The following PDE4A variants were observed in gnomAD, a reference collection of about 807,000 sequenced individuals.
The protein encoded by PDE4A is phosphodiesterase 4A.
Under a neutral mutation model 73.9 loss-of-function variants are expected in PDE4A, and 21 were observed. The ratio of observed to expected loss-of-function variants is 0.28; its 90% CI spans 0.20 to 0.41. The LOEUF is 0.41. Among genes scored for constraint, PDE4A ranks in the 10% least tolerant of loss-of-function variants. The pLI is 1.00. For missense variants in PDE4A, 958 were observed against 1,211.4 expected, an observed-to-expected ratio of 0.79 and a Z score of 3.10; for synonymous variants, 463 against 505.4, an observed-to-expected ratio of 0.92 and a Z score of 1.13.
At chr19:10,419,054 G>GTT, upstream of PDE4A, 2 of 586,496 alleles carry the variant, frequency 3.4e-6, no homozygotes, top group Non-Finnish European at 4.1e-6. Flanking sequence ...AAGACCGGCA[G>GTT]TCTTTTTTTT....
At chr19:10,429,960 G>A (rs1285061434) in intron 1 of PDE4A, among the ~76,000 whole-genome samples, 1 of 152,052 alleles carries the variant, frequency 6.6e-6, no homozygotes, top group Admixed American at 6.6e-5. Context: ...CTGTGGAGGT[G>A]TTCCTGGGGT....
rs1451055175 is a variant in PDE4A, at chr19:10,453,307, G to C, written c.784-1522G>C. On this transcript the variant is annotated intron_variant, in intron 6 of 14. Coordinates refer to ENST00000380702, the MANE Select transcript of PDE4A (RefSeq NM_001111307.2). The surrounding 1 kb of genome is among the most constrained non-coding windows in gnomAD (Gnocchi z 4.6). ...TTCTGCGAGACCTGCTCTAAGCCTT[G>C]GCTGGTGGGCTGGTGGGACCAGGTA... The C allele has an allele frequency of 6.2e-7, 1 of 1,613,312 alleles. No homozygotes were observed. The highest frequency in any genetic ancestry group is 1.3e-5 in the African/African-American group (1 of 74,924).
In PDE4A at chr19:10,453,035, CG is replaced by C. The variant is rs1373826711; in HGVS notation, c.784-1787del. On this transcript the variant is annotated intron_variant, in intron 6 of 14. Transcript: ENST00000380702. The surrounding 1 kb of genome is among the most constrained non-coding windows in gnomAD (Gnocchi z 4.6). The stretch of plus-strand genomic sequence containing the variant: ...CCCCCACCGCCTCCACCCACTGCCG[CG>C]GGGGGGCCCGTTGGGGCCCAGGGCT... 18 of 1,336,150 alleles carry C rather than the reference CG, an allele frequency of 1.3e-5. No individual in the cohort carries two copies. Among genetic ancestry groups the C allele is most frequent in the East Asian group, 6.2e-5 (2 of 32,226 alleles). The allele number at this position is 1,336,150 out of a possible 1,614,324, so 82.8% of individuals were successfully genotyped here.
At position 10,458,500 on chromosome 19, in the gene PDE4A, G is replaced by A. The variant is rs1192093625; in HGVS notation, c.1101+398G>A. Among the ~76,000 whole-genome samples the A allele has an allele frequency of 3.9e-5, 6 of 152,314 alleles. No individual in the cohort carries two copies. Among genetic ancestry groups the A allele is most frequent in the Admixed American group, 2.0e-4 (3 of 15,298 alleles). On this transcript the variant is annotated intron_variant, in intron 8 of 14. Coordinates refer to ENST00000380702, the MANE Select transcript of PDE4A (RefSeq NM_001111307.2). The surrounding 1 kb of genome is among the most constrained non-coding windows in gnomAD (Gnocchi z 4.6). The stretch of plus-strand genomic sequence containing the variant: ...ACTCCTAGCTCTTCCAGGGGACAGC[G>A]GCAGTGGAAGTGATCCATCTTTGGT...
intron 1 of PDE4A, among the ~76,000 whole-genome samples, chr19:10,434,763 TA>T (rs2042842004): frequency 6.6e-6 from 1 of 151,738 alleles, no homozygotes; most frequent in Admixed American, 6.6e-5. Flanking sequence ...GGCTAATTTT[TA>T]TATTTTTAGT....
chr19:10,439,021 T>C (rs1005508004), intron 1 of PDE4A, among the ~76,000 whole-genome samples: 1 of 152,214 alleles, frequency 6.6e-6, no homozygotes, highest in African/African-American at 2.4e-5. Context: ...CGTCAGTCAC[T>C]TCTACCTTTT....
Position 10,453,535 on chromosome 19 carries a change from T to A in PDE4A, c.784-1294T>A, listed in dbSNP as rs1053541525. On this transcript the variant is annotated intron_variant, in intron 6 of 14. Coordinates refer to ENST00000380702, the MANE Select transcript of PDE4A (RefSeq NM_001111307.2). The surrounding 1 kb of genome is among the most constrained non-coding windows in gnomAD (Gnocchi z 4.6). ...GGTGGACTGCGGGTCCCTCACTGGG[T>A]GTGACTGTGTCAGTGCCTGGATGTG... Among the ~76,000 whole-genome samples, 2 of 151,648 alleles carry A rather than the reference T, an allele frequency of 1.3e-5. No individual in the cohort carries two copies. Among genetic ancestry groups the A allele is most frequent in the African/African-American group, 4.8e-5 (2 of 41,258 alleles).
rs749126870 is a variant in PDE4A, at chr19:10,465,683, C to CTTTTTTTTTTTTT, written c.1927-1182_1927-1170dup. On this transcript the variant is annotated intron_variant, in intron 14 of 14. Transcript: ENST00000380702. Reference sequence around the variant, plus strand: ...TCATAGCAATAGTTTGTGGCTTTAGCTTTTTTTTTTTTTTTTTTTTTTTTT... The same window carrying CTTTTTTTTTTTTT: ...TCATAGCAATAGTTTGTGGCTTTAGCTTTTTTTTTTTTTTTTTTTTTTTTTTTTTTTTTTTTTT... Among the ~76,000 whole-genome samples the CTTTTTTTTTTTTT allele has an allele frequency of 8.9e-4, 43 of 48,386 alleles. 7 individuals are homozygous for CTTTTTTTTTTTTT. The highest frequency in any genetic ancestry group is 1.2e-3 in the Non-Finnish European group (32 of 27,276). 31.7% of individuals were successfully genotyped at this position (48,386 alleles called of 152,430 possible). A position where few individuals can be genotyped will look rare whatever the true frequency, so the allele number is the denominator to read the frequency against.
chr19:10,431,459 G>A (rs903954545), intron 1 of PDE4A, among the ~76,000 whole-genome samples: 2 of 152,212 alleles, frequency 1.3e-5, no homozygotes, highest in Non-Finnish European at 2.9e-5. Context: ...GCCTTGCGGT[G>A]AGGCTTGGTG....
intron 1 of PDE4A, among the ~76,000 whole-genome samples, chr19:10,441,239 T>G (rs1224147053): frequency 6.6e-6 from 1 of 152,104 alleles, no homozygotes; most frequent in Non-Finnish European, 1.5e-5. Flanking sequence ...TTTGTTTCTT[T>G]GTTTCTTTGT....
intron 1 of PDE4A, among the ~76,000 whole-genome samples, chr19:10,432,144 C>G (rs1372636154): frequency 7.8e-6 from 1 of 128,560 alleles, no homozygotes; most frequent in Non-Finnish European, 1.6e-5. Context: ...ACCGGAGCCC[C>G]GGGGCACCCC....
In PDE4A at chr19:10,449,409, G is replaced by C. The variant is rs2075723; in HGVS notation, c.620+259G>C. Among the ~76,000 whole-genome samples the C allele has an allele frequency of 2.8e-4, 43 of 152,226 alleles. No individual in the cohort carries two copies. In the East Asian group the frequency reaches 8.3e-3, roughly 29 times the overall value. On this transcript the variant is annotated intron_variant, in intron 4 of 14. Coordinates refer to ENST00000380702, the MANE Select transcript of PDE4A (RefSeq NM_001111307.2). ...AAGTCTCACTCTGTCACACAGGCTGGAGTGCAGTAGTGCGATCTTGGCTCA... is the reference window on the plus strand; with the variant it reads ...AAGTCTCACTCTGTCACACAGGCTGCAGTGCAGTAGTGCGATCTTGGCTCA...
upstream of PDE4A, among the ~76,000 whole-genome samples, chr19:10,419,293 G>C (rs1303633725): frequency 1.3e-5 from 2 of 149,614 alleles, no homozygotes; most frequent in Admixed American, 6.6e-5. Flanking sequence ...TCCTTGGGGG[G>C]GTTGAGGGGG....
At chr19:10,461,125 C>T in intron 11 of PDE4A, 22 bp downstream of exon 11, 1 of 1,600,788 alleles carries the variant, frequency 6.2e-7, no homozygotes, top group South Asian at 1.1e-5. Flanking sequence ...TCGCCAGGGG[C>T]GGGGTTTGCT....
At chr19:10,427,267 T>A (rs1352994785) in intron 1 of PDE4A, among the ~76,000 whole-genome samples, 1 of 152,178 alleles carries the variant, frequency 6.6e-6, no homozygotes, top group African/African-American at 2.4e-5. Context: ...GCCAGTGCAC[T>A]TCAGCCTGGG....
At chr19:10,433,160 G>C (rs2042817091) in intron 1 of PDE4A, among the ~76,000 whole-genome samples, 1 of 152,046 alleles carries the variant, frequency 6.6e-6, no homozygotes, top group African/African-American at 2.4e-5. Context: ...CTCTAACACA[G>C]ACACACACAC....
In PDE4A at chr19:10,454,045, G is replaced by A. The variant is rs75420883; in HGVS notation, c.784-784G>A. Among the ~76,000 whole-genome samples, 788 of 152,244 alleles carry A rather than the reference G, an allele frequency of 5.2e-3. 14 individuals are homozygous for A. Among genetic ancestry groups the A allele is most frequent in the East Asian group, 0.033 (173 of 5,176 alleles). ...GGAGCCAATGCCCTTTCTCCTCTGT[G>A]TACAATGTCACAGCAGAGGCCTGTG... On this transcript the variant is annotated intron_variant, in intron 6 of 14. Coordinates refer to ENST00000380702, the MANE Select transcript of PDE4A (RefSeq NM_001111307.2).
At chr19:10,464,354 C>T in intron 14 of PDE4A, 1 of 455,594 alleles carries the variant, frequency 2.2e-6, no homozygotes, top group Non-Finnish European at 4.4e-6. Flanking sequence ...CCTTGGCCTC[C>T]CAAAATGCCA....
At chr19:10,421,108 G>A (rs1599394750) in intron 1 of PDE4A, 24 bp downstream of exon 1, 2 of 1,358,004 alleles carry the variant, frequency 1.5e-6, no homozygotes, top group East Asian at 3.1e-5. Flanking sequence ...CGGCGGATGC[G>A]CGCGGAACGG....
Sources: gnomAD v4.1 joint callset for allele counts (sites outside exome capture counted in the v4.1 genomes callset) on GRCh38, gnomAD v4.1.1 for gene constraint, Gnocchi (gnomAD v3.1) non-coding constraint, MANE v1.5 for transcripts, NCBI Gene and HGNC (gene_info 2026-07-23, HGNC 2026-07-21) for gene names.